The following STYXL1 variants were observed in gnomAD, a reference collection of about 807,000 sequenced individuals.
STYXL1 encodes serine/threonine/tyrosine interacting like 1, also known as serine/threonine/tyrosine-interacting-like protein 1.
In STYXL1, 32 loss-of-function variants were observed where a neutral mutation model predicts 36.4. That is an observed-to-expected ratio of 0.88 (90% confidence interval 0.66 to 1.18). STYXL1 has a LOEUF of 1.18. Among genes scored for constraint, STYXL1 ranks in the 50% most tolerant of loss-of-function variants. The probability of loss-of-function intolerance (pLI) is 0.00; values close to 1 mark genes in which losing one functional copy is unlikely to be tolerated. For missense variants in STYXL1, 354 were observed against 394.1 expected (o/e 0.90, Z 0.86); for synonymous variants, 133 against 144.1 (o/e 0.92, Z 0.55).
intron 4 of STYXL1, among the ~76,000 whole-genome samples, chr7:76,017,309 C>T (rs1367074222): frequency 6.6e-6 from 1 of 152,088 alleles, no homozygotes; most frequent in Non-Finnish European, 1.5e-5. Context: ...AGGCATGAGC[C>T]ACCGTGCCCG....
Position 76,013,862 on chromosome 7 carries a change from C to G in STYXL1, c.333G>C (p.Glu111Asp). ...TGAGGCGGGTCAGGATCCTGCCATA[C>G]TCAATGGCTGCTTGAGGCACAAGAT... ...GKDLVPQAAI[E>D]YGRILTRLTH... Residue 111 changes from glutamate to aspartate, a missense_variant, in exon 5 of 9, where the codon GAG (glutamate) becomes GAC (aspartate). Physicochemically the swap from Glu to Asp is conservative, Grantham distance 45. Transcript: ENST00000359697. 1 of 1,613,182 alleles carries G rather than the reference C, an allele frequency of 6.2e-7. No homozygotes were observed. The highest frequency in any genetic ancestry group is 1.1e-5 in the South Asian group (1 of 90,990).
chr7:76,030,329 C>T lies in STYXL1; in HGVS notation c.103+92G>A, dbSNP rs1246880032. On this transcript the variant is annotated intron_variant, in intron 2 of 8. Transcript: ENST00000359697. Reference sequence around the variant, plus strand: ...ATCCCTGTTCTAAAGTCATTCACTGCCCCCCACCCCGCCAAAAGTTTGTTA... The same window carrying T: ...ATCCCTGTTCTAAAGTCATTCACTGTCCCCCACCCCGCCAAAAGTTTGTTA... The T allele has an allele frequency of 1.5e-5, 13 of 886,312 alleles. No individual in the cohort carries two copies. The South Asian group carries it at 1.6e-4, about 11-fold the overall frequency. The allele number at this position is 886,312 out of a possible 1,614,324, so 54.9% of individuals were successfully genotyped here.
Position 76,026,192 on chromosome 7 carries a change from C to CAAAAAAAAA in STYXL1, c.165+2441_165+2449dup, listed in dbSNP as rs1159067824. ...GGAGGACAGAGCAAGACTCTGTCTC[C>CAAAAAAAAA]AAAAAAAAAAAAAAAAAAAAAAAAA... On this transcript the variant is annotated intron_variant, in intron 3 of 8. Coordinates refer to ENST00000359697, the MANE Select transcript of STYXL1 (RefSeq NM_001317785.2). Among the ~76,000 whole-genome samples, 41 of 18,622 alleles carry CAAAAAAAAA rather than the reference C, an allele frequency of 2.2e-3. 12 individuals carry two copies. Among genetic ancestry groups the CAAAAAAAAA allele is most frequent in the South Asian group, 3.8e-3 (1 of 266 alleles). The allele number at this position is 18,622 out of a possible 152,430, so 12.2% of individuals were successfully genotyped here. A position where few individuals can be genotyped will look rare whatever the true frequency, so the allele number is the denominator to read the frequency against.
chr7:76,044,868 G>C (rs1554583008), intron 1 of STYXL1: 1 of 151,978 alleles, frequency 6.6e-6, no homozygotes, highest in Admixed American at 6.6e-5. Context: ...GAGAATTTTC[G>C]TACTTTTTGT....
At chr7:76,038,011 T>C (rs1796086760) in intron 1 of STYXL1, among the ~76,000 whole-genome samples, 1 of 150,184 alleles carries the variant, frequency 6.7e-6, no homozygotes, top group African/African-American at 2.4e-5. Context: ...ATGATATAAA[T>C]TGCCTAGCAG....
intron 5 of STYXL1, among the ~76,000 whole-genome samples, chr7:76,008,653 G>A (rs114034030): frequency 0.01 from 1,556 of 152,248 alleles, 24 homozygotes; most frequent in African/African-American, 0.034. Context: ...CCCCTAACCC[G>A]GATGGACGCT....
chr7:76,018,704 T>C (rs1315184947), intron 4 of STYXL1, among the ~76,000 whole-genome samples: 1 of 152,216 alleles, frequency 6.6e-6, no homozygotes, highest in Non-Finnish European at 1.5e-5. Flanking sequence ...CCATTCCTTT[T>C]TATGGCTGAG....
At chr7:76,010,870 C>G (rs1222036841) in intron 5 of STYXL1, among the ~76,000 whole-genome samples, 2 of 152,114 alleles carry the variant, frequency 1.3e-5, no homozygotes, top group African/African-American at 4.8e-5. Context: ...ATTAAACCGC[C>G]CTAGCTTCTA....
chr7:76,022,399 C>T (rs1406478488), intron 3 of STYXL1, among the ~76,000 whole-genome samples: 9 of 152,012 alleles, frequency 5.9e-5, no homozygotes, highest in Non-Finnish European at 8.8e-5. Flanking sequence ...GTGGTTTGCA[C>T]CTGTAATCCC....
At chr7:76,002,261 C>A (rs1441131772) in intron 7 of STYXL1, among the ~76,000 whole-genome samples, 3 of 152,190 alleles carry the variant, frequency 2.0e-5, no homozygotes, top group Non-Finnish European at 4.4e-5. Flanking sequence ...GTGCCTGGCA[C>A]AGAAATATCA....
chr7:76,032,809 G>A (rs1352814203), intron 1 of STYXL1, among the ~76,000 whole-genome samples: 28 of 152,210 alleles, frequency 1.8e-4, no homozygotes, highest in Non-Finnish European at 2.9e-5. Flanking sequence ...CTGAGGATGT[G>A]ACTGCTAAAC....
At chr7:76,027,981 T>C (rs1794905607) in intron 3 of STYXL1, among the ~76,000 whole-genome samples, 3 of 151,938 alleles carry the variant, frequency 2.0e-5, no homozygotes, top group Non-Finnish European at 4.4e-5. Flanking sequence ...GCATTCCCCA[T>C]TGTAGTCTCA....
intron 1 of STYXL1, among the ~76,000 whole-genome samples, chr7:76,037,981 T>C (rs1162315401): frequency 1.3e-5 from 2 of 150,230 alleles, no homozygotes; most frequent in Non-Finnish European, 3.0e-5. Flanking sequence ...GGCAAAGCTA[T>C]AGGATCATTC....
Position 76,015,481 on chromosome 7 carries a change from T to C in STYXL1, c.308-1594A>G, listed in dbSNP as rs149942953. 9.8e-3 allele frequency among the ~76,000 whole-genome samples: 1,496 copies of C among 152,236 alleles called. 8 individuals are homozygous for C. Among genetic ancestry groups the C allele is most frequent in the Middle Eastern group, 0.017 (5 of 294 alleles). On this transcript the variant is annotated intron_variant, in intron 4 of 8. Transcript: ENST00000359697. ...CCTTGGCAAATAATTTTTGGCTAAGTCCTCCAAAGCAATTGCAACAAAACA... is the reference window on the plus strand; with the variant it reads ...CCTTGGCAAATAATTTTTGGCTAAGCCCTCCAAAGCAATTGCAACAAAACA...
intron 3 of STYXL1, among the ~76,000 whole-genome samples, chr7:76,022,619 T>G (rs983127738): frequency 3.3e-5 from 5 of 152,126 alleles, no homozygotes; most frequent in Non-Finnish European, 5.9e-5. Flanking sequence ...GAGCTGCGAT[T>G]GTGTCACTGC....
At chr7:75,997,066 G>A (rs1313524773) in intron 8 of STYXL1, among the ~76,000 whole-genome samples, 2 of 152,228 alleles carry the variant, frequency 1.3e-5, no homozygotes, top group Admixed American at 6.5e-5. Flanking sequence ...GAAGGAGGGT[G>A]AGCACCTGGT....
intron 8 of STYXL1, among the ~76,000 whole-genome samples, chr7:75,997,269 T>C (rs1790244986): frequency 6.6e-6 from 1 of 152,004 alleles, no homozygotes; most frequent in African/African-American, 2.4e-5. Flanking sequence ...CTGTCTCTAC[T>C]AAAAAAATGC....
At chr7:76,000,814 A>T in intron 8 of STYXL1, 76 bp downstream of exon 8, 1 of 1,343,780 alleles carries the variant, frequency 7.4e-7, no homozygotes, top group Non-Finnish European at 1.1e-6. Flanking sequence ...CTGGGGCCCC[A>T]CTCCTCCCAG....
chr7:76,040,823 TAA>T (rs35135560), intron 1 of STYXL1, among the ~76,000 whole-genome samples: 1 of 119,790 alleles, frequency 8.3e-6, no homozygotes. Flanking sequence ...GCAACACAGC[TAA>T]AAAAAAAAGA....
Sources: gnomAD v4.1 joint callset for allele counts (sites outside exome capture counted in the v4.1 genomes callset) on GRCh38, gnomAD v4.1.1 for gene constraint, MANE v1.5 for transcripts, NCBI Gene and HGNC (gene_info 2026-07-23, HGNC 2026-07-21) for gene names.